The following PCDHGC4 variants were observed in gnomAD, a reference collection of about 807,000 sequenced individuals.
PCDHGC4 encodes the protein protocadherin gamma subfamily C, 4, also known as protocadherin gamma-C4.
A neutral mutation model predicts 59.7 loss-of-function variants in PCDHGC4; 15 were observed. The observed-to-expected ratio is 0.25, with a 90% CI of 0.17 to 0.39. The LOEUF is 0.39. Ranked by LOEUF, PCDHGC4 falls within the 10% of genes least tolerant of loss-of-function variation. The pLI is 1.00. For missense variants in PCDHGC4, 1,016 were observed against 1,189.5 expected, an observed-to-expected ratio of 0.85 and a Z score of 2.15; for synonymous variants, 434 against 481.4, an observed-to-expected ratio of 0.90 and a Z score of 1.29.
At position 141,485,841 on chromosome 5, in the gene PCDHGC4, C is replaced by G. The variant is rs969476505; in HGVS notation, c.668C>G (p.Ser223Cys). Residue 223 changes from serine to cysteine, a missense_variant, in exon 1 of 4, where the codon TCT (serine) becomes TGT (cysteine). Transcript: ENST00000306593. This position sits in a 1 kb window ranked among gnomAD's most constrained non-coding sequence, Gnocchi z 5.7. ...TAVDGGNPPRSGTAELRVSVL... is the reference protein window; with the variant it reads ...TAVDGGNPPRCGTAELRVSVL... Reference sequence around the variant, plus strand: ...GTCGATGGAGGGAACCCGCCGAGATCTGGCACCGCAGAGCTCCGGGTATCC... The same window carrying G: ...GTCGATGGAGGGAACCCGCCGAGATGTGGCACCGCAGAGCTCCGGGTATCC... 29 of 1,614,104 alleles carry G rather than the reference C, an allele frequency of 1.8e-5. No individual in the cohort carries two copies. The highest frequency in any genetic ancestry group is 2.2e-5 in the South Asian group (2 of 91,080).
chr5:141,510,289 A>T (rs1279501931), intron 3 of PCDHGC4, among the ~76,000 whole-genome samples: 3 of 151,754 alleles, frequency 2.0e-5, no homozygotes, highest in Non-Finnish European at 4.4e-5. Context: ...AAAAAAAAAA[A>T]AATGCTGTTT....
rs774071540 is a variant in PCDHGC4, at chr5:141,511,042, G to A, written c.2686G>A (p.Asp896Asn). 8 of 1,614,064 alleles carry A rather than the reference G, an allele frequency of 5.0e-6. No homozygotes were observed. Among genetic ancestry groups the A allele is most frequent in the Non-Finnish European group, 6.8e-6 (8 of 1,180,016 alleles). Residue 896 changes from aspartate to asparagine, a missense_variant, in exon 4 of 4, where the codon GAC becomes AAC. Physicochemically the swap from Asp to Asn is conservative, Grantham distance 23. Coordinates refer to ENST00000306593, the MANE Select transcript of PCDHGC4 (RefSeq NM_018928.3). Reference sequence around the variant, plus strand: ...CCAGTTCACCCTGCAGCACGTGCCCGACTACCGCCAGAATGTCTACATCCC... The same window carrying A: ...CCAGTTCACCCTGCAGCACGTGCCCAACTACCGCCAGAATGTCTACATCCC... ...GPQFTLQHVPDYRQNVYIPGS... is the reference protein window; with the variant it reads ...GPQFTLQHVPNYRQNVYIPGS...
At position 141,491,686 on chromosome 5, in the gene PCDHGC4, C is replaced by CG; in HGVS notation, c.2443-3118dup. 1 of 1,612,970 alleles carries CG rather than the reference C, an allele frequency of 6.2e-7. No individual in the cohort carries two copies. The highest frequency in any genetic ancestry group is 2.2e-5 in the East Asian group (1 of 44,838). ...CATCCGGTCCCGCTCTAATACGCTG[C>CG]GGGAGCGGAGCCAGGTGAGGGGCTC... On this transcript the variant is annotated intron_variant, in intron 1 of 3. Transcript: ENST00000306593. The surrounding 1 kb of genome is among the most constrained non-coding windows in gnomAD (Gnocchi z 6.9).
Position 141,489,978 on chromosome 5 carries a change from T to C in PCDHGC4, c.2442+2363T>C. 6.2e-7 allele frequency: 1 copy of C among 1,614,192 alleles called. No homozygotes were observed. Among genetic ancestry groups the C allele is most frequent in the Non-Finnish European group, 8.5e-7 (1 of 1,180,012 alleles). On this transcript the variant is annotated intron_variant, in intron 1 of 3. Coordinates refer to ENST00000306593, the MANE Select transcript of PCDHGC4 (RefSeq NM_018928.3). The surrounding 1 kb of genome is among the most constrained non-coding windows in gnomAD (Gnocchi z 4.5). ...ATGCTCCAACCTTCCAATCCTCAGT[T>C]CTACGTGTGGGAATCCCAGAGAATG...
chr5:141,506,209 G>A (rs549403288), intron 3 of PCDHGC4, among the ~76,000 whole-genome samples: 3 of 152,284 alleles, frequency 2.0e-5, no homozygotes, highest in African/African-American at 7.2e-5. Context: ...CCAGCACTTT[G>A]GGAAGCTGAG....
Position 141,510,990 on chromosome 5 carries a change from C to T in PCDHGC4, c.2634C>T (p.Thr878=). ...GSSTLGGGAG[T]MGLSARYGPQ... ...CCACCCTGGGAGGGGGTGCCGGCAC[C>T]ATGGGATTGAGCGCCCGCTACGGAC... The change falls in exon 4 of 4, where the codon ACC becomes ACT. Residue 878 remains threonine, a synonymous_variant. Transcript: ENST00000306593. The T allele has an allele frequency of 2.5e-6, 4 of 1,614,166 alleles. No homozygotes were observed. Among genetic ancestry groups the T allele is most frequent in the Non-Finnish European group, 3.4e-6 (4 of 1,180,014 alleles).
Position 141,487,564 on chromosome 5 carries a change from G to A in PCDHGC4, c.2391G>A (p.Gly797=), listed in dbSNP as rs1436847912. ...AGTCACCCAGTGCACCTATGGCAGG[G>A]GAGCCTGTTCGCCCAAGCTGCCCAC... ...MVKSPSAPMA[G]EPVRPSCPPS... The change falls in exon 1 of 4, where the codon GGG becomes GGA. Residue 797 remains glycine (G), a synonymous_variant. Coordinates refer to ENST00000306593, the MANE Select transcript of PCDHGC4 (RefSeq NM_018928.3). This position sits in a 1 kb window ranked among gnomAD's most constrained non-coding sequence, Gnocchi z 5.0. 3 of 1,614,178 alleles carry A rather than the reference G, an allele frequency of 1.9e-6. No homozygotes were observed. Among genetic ancestry groups the A allele is most frequent in the Non-Finnish European group, 2.5e-6 (3 of 1,180,040 alleles).
At chr5:141,505,298 T>TA in intron 2 of PCDHGC4, 95 bp from the exon 3 acceptor site, 1 of 1,586,334 alleles carries the variant, frequency 6.3e-7, no homozygotes, top group Non-Finnish European at 8.6e-7. Context: ...GGGGTAGGGT[T>TA]AGGGTACTAG....
chr5:141,498,807 C>G (rs113587634), intron 2 of PCDHGC4, among the ~76,000 whole-genome samples: 1 of 152,030 alleles, frequency 6.6e-6, no homozygotes, highest in Non-Finnish European at 1.5e-5. Flanking sequence ...GTGGTGCACA[C>G]CTGTAGTCCC....
chr5:141,508,904 T>C (rs1421450229), intron 3 of PCDHGC4, among the ~76,000 whole-genome samples: 2 of 151,336 alleles, frequency 1.3e-5, no homozygotes, highest in African/African-American at 4.9e-5. Context: ...GGCGGGGCGG[T>C]GGCGGATCTG....
Position 141,494,842 on chromosome 5 carries a change from G to A in PCDHGC4, c.2478G>A (p.Gln826=). 1 of 1,614,116 alleles carries A rather than the reference G, an allele frequency of 6.2e-7. No homozygotes were observed. Among genetic ancestry groups the A allele is most frequent in the Non-Finnish European group, 8.5e-7 (1 of 1,180,018 alleles). The change falls in exon 2 of 4, where the codon CAG becomes CAA. Residue 826 remains glutamine, a synonymous_variant. Coordinates refer to ENST00000306593, the MANE Select transcript of PCDHGC4 (RefSeq NM_018928.3). ...APPNTDWRFS[Q]AQRPGTSGSQ... is the part of the protein sequence containing the mutation. ...CCAACACGGACTGGCGTTTCTCTCA[G>A]GCCCAGAGACCCGGCACCAGCGGGT... is the stretch of plus-strand genomic sequence containing the variant.
chr5:141,488,606 C>T (rs781116401), intron 1 of PCDHGC4, among the ~76,000 whole-genome samples: 2 of 152,156 alleles, frequency 1.3e-5, no homozygotes, highest in Admixed American at 1.3e-4. Flanking sequence ...TTACAAGGTT[C>T]TTACTAATCT....
intron 2 of PCDHGC4, among the ~76,000 whole-genome samples, chr5:141,496,392 C>T (rs6879760): frequency 0.064 from 9,762 of 152,240 alleles, 510 homozygotes; most frequent in African/African-American, 0.15. Context: ...CCTTACCCTA[C>T]CTCCTCAATG....
At chr5:141,495,007 G>A in intron 2 of PCDHGC4, 142 bp downstream of exon 2, 4 of 1,522,158 alleles carry the variant, frequency 2.6e-6, no homozygotes, top group Non-Finnish European at 3.5e-6. Context: ...TTGGTGTGCG[G>A]GGGGCTGGCA....
rs747811019 is a variant in PCDHGC4 at position 141,490,069 on chromosome 5, C to T, written c.2442+2454C>T. 6 of 1,614,150 alleles carry T rather than the reference C, an allele frequency of 3.7e-6. No homozygotes were observed. Among genetic ancestry groups the T allele is most frequent in the Non-Finnish European group, 5.1e-6 (6 of 1,180,044 alleles). ...TCCAGACGAGGGCACCAACGGCCAA[C>T]TAGACTATTCTTTTGGAGACCACAC... On this transcript the variant is annotated intron_variant, in intron 1 of 3. Transcript: ENST00000306593. This position sits in a 1 kb window ranked among gnomAD's most constrained non-coding sequence, Gnocchi z 5.4.
Position 141,487,613 on chromosome 5 carries a change from G to C in PCDHGC4, c.2440G>C (p.Glu814Gln), listed in dbSNP as rs1460090760. 1 of 1,614,218 alleles carries C rather than the reference G, an allele frequency of 6.2e-7. No homozygotes were observed. ...ACCCTCTGATCTTCTCTATGGGCTA[G>C]AGGTGAGACCTTTGCAGGCTCAACA... ...CPPSDLLYGL[E>Q]QAPPNTDWRF... The change falls in exon 1 of 4, where the codon GAG (glutamate) becomes CAG (glutamine). Residue 814 changes from glutamate (E) to glutamine (Q), a missense_variant and splice_region_variant. Coordinates refer to ENST00000306593, the MANE Select transcript of PCDHGC4 (RefSeq NM_018928.3). The surrounding 1 kb of genome is among the most constrained non-coding windows in gnomAD (Gnocchi z 5.0).
In PCDHGC4 at chr5:141,511,979, T is replaced by C. The variant is rs1205375941; in HGVS notation, c.*806T>C. ...AGGAAGGGAAGTGTGTGGATGTGGA[T>C]GGTGGGGGCATGGACAAAGCTTGAC... On this transcript the variant is annotated 3_prime_UTR_variant, in exon 4 of 4. Transcript: ENST00000306593. The C allele has an allele frequency of 6.5e-5, 10 of 153,278 alleles. No individual in the cohort carries two copies. The highest frequency in any genetic ancestry group is 1.5e-4 in the Non-Finnish European group (10 of 68,568). The allele number at this position is 153,278 out of a possible 1,614,324, so 9.5% of individuals were successfully genotyped here.
chr5:141,491,659 G>A lies in PCDHGC4; in HGVS notation c.2443-3148G>A. On this transcript the variant is annotated intron_variant, in intron 1 of 3. Transcript: ENST00000306593. This position sits in a 1 kb window ranked among gnomAD's most constrained non-coding sequence, Gnocchi z 6.9. ...CACAGCTCTGGCGCTGGAGCCTGACGCCATCCGGTCCCGCTCTAATACGCT... is the reference window on the plus strand; with the variant it reads ...CACAGCTCTGGCGCTGGAGCCTGACACCATCCGGTCCCGCTCTAATACGCT... 6.2e-7 allele frequency: 1 copy of A among 1,613,766 alleles called. No homozygotes were observed. The highest frequency in any genetic ancestry group is 8.5e-7 in the Non-Finnish European group (1 of 1,180,004).
rs1386737349 is a variant in PCDHGC4 at position 141,486,423 on chromosome 5, C to T, written c.1250C>T (p.Ala417Val). The T allele has an allele frequency of 6.2e-7, 1 of 1,614,042 alleles. No individual in the cohort carries two copies. The highest frequency in any genetic ancestry group is 8.5e-7 in the Non-Finnish European group (1 of 1,180,030). ...ACTGCTGGACCCTTGGATCGAGAGG[C>T]CAAATCTAGCTATGACATCATGGTC... is the stretch of plus-strand genomic sequence containing the variant. ...LVTAGPLDRE[A>V]KSSYDIMVTA... The change falls in exon 1 of 4, where the codon GCC becomes GTC. Residue 417 changes from alanine to valine, a missense_variant. Transcript: ENST00000306593. The surrounding 1 kb of genome is among the most constrained non-coding windows in gnomAD (Gnocchi z 5.0).
Sources: allele counts gnomAD v4.1 joint callset (sites outside exome capture counted in the v4.1 genomes callset), GRCh38; gene constraint gnomAD v4.1.1; non-coding constraint Gnocchi (gnomAD v3.1); transcripts MANE v1.5; gene names NCBI Gene and HGNC (gene_info 2026-07-23, HGNC 2026-07-21).